Variants in COL9A3 observed in about 807,000 individuals in gnomAD.
COL9A3 encodes the protein collagen alpha-3(IX) chain.
Under a neutral mutation model 110.2 loss-of-function variants are expected in COL9A3, and 82 were observed. The ratio of observed to expected loss-of-function variants is 0.74; its 90% CI spans 0.62 to 0.89. COL9A3 has a LOEUF of 0.89. Ranked by LOEUF, COL9A3 falls within the 40% of genes least tolerant of loss-of-function variation. The pLI is 0.00. For missense variants in COL9A3, 1,066 were observed against 981.3 expected (o/e 1.09, Z -1.15); for synonymous variants, 494 against 403.8 (o/e 1.22, Z -2.68).
chr20:62,816,811 C>A (rs1434482490), upstream of COL9A3, among the ~76,000 whole-genome samples: 1 of 152,162 alleles, frequency 6.6e-6, no homozygotes, highest in Non-Finnish European at 1.5e-5. Context: ...GTGTGCAACG[C>A]GCCAGTCCCA....
At chr20:62,836,594 G>A in intron 29 of COL9A3, 62 bp downstream of exon 29, 1 of 1,514,634 alleles carries the variant, frequency 6.6e-7, no homozygotes, top group Non-Finnish European at 9.0e-7. Context: ...TCCCGTGCCT[G>A]GGGCTACACA....
intron 10 of COL9A3, 109 bp from the exon 11 acceptor site, chr20:62,824,336 C>T: frequency 8.5e-7 from 1 of 1,179,462 alleles, no homozygotes; most frequent in Non-Finnish European, 1.2e-6. Context: ...CTCCCGGGGT[C>T]CCGTCACCGT....
chr20:62,821,554 C>T, intron 7 of COL9A3, 24 bp downstream of exon 7: 1 of 1,612,708 alleles, frequency 6.2e-7, no homozygotes, highest in Non-Finnish European at 8.5e-7. Flanking sequence ...ACCCTTGGGG[C>T]CCTGAGCAAG....
intron 10 of COL9A3, among the ~76,000 whole-genome samples, chr20:62,822,862 C>A (rs934678204): frequency 6.6e-6 from 1 of 152,186 alleles, no homozygotes; most frequent in African/African-American, 2.4e-5. Flanking sequence ...CTGCACTGTC[C>A]CTCATGAAGC....
intron 19 of COL9A3, 21 bp from the exon 20 acceptor site, chr20:62,829,434 C>T (rs1319211311): frequency 2.0e-5 from 33 of 1,612,556 alleles, no homozygotes; most frequent in South Asian, 3.3e-5. Flanking sequence ...GCAGCCCTGA[C>T]CGCAAGCTCT....
intron 12 of COL9A3, chr20:62,825,314 C>G: frequency 3.0e-6 from 1 of 335,742 alleles, no homozygotes; most frequent in Non-Finnish European, 5.4e-6. Flanking sequence ...TGGACAGACC[C>G]CGTCCTGCCT....
At chr20:62,828,723 G>A (rs2063572686) in intron 17 of COL9A3, 41 bp from the exon 18 acceptor site, 1 of 1,609,422 alleles carries the variant, frequency 6.2e-7, no homozygotes, top group Non-Finnish European at 8.5e-7. Flanking sequence ...GGAGGGAGGG[G>A]GGCCACTGCC....
chr20:62,827,963 C>T lies in COL9A3; in HGVS notation c.887C>T (p.Pro296Leu), dbSNP rs45628843. The T allele has an allele frequency of 0.051, 81,618 of 1,612,860 alleles. 2,435 individuals are homozygous for T. Among genetic ancestry groups the T allele is most frequent in the Non-Finnish European group, 0.06 (71,235 of 1,179,900 alleles). Residue 296 changes from proline (P) to leucine (L), a missense_variant, in exon 17 of 32, where the codon CCA (proline) becomes CTA (leucine). Transcript: ENST00000649368. ...GPKGTPGVAG[P>L]SGEPGMPGKD... ...AAGGGAACCCCCGGAGTGGCCGGGC[C>T]AAGCGGAGAGCCGGTGAGTGCACGT...
chr20:62,827,196 C>T (rs1229632183), intron 15 of COL9A3, 45 bp from the exon 16 acceptor site: 8 of 1,607,470 alleles, frequency 5.0e-6, no homozygotes, highest in South Asian at 2.2e-5. Context: ...CTCCGACCAA[C>T]TCCATGGTGT....
chr20:62,825,960 G>T, intron 13 of COL9A3, 90 bp downstream of exon 13: 1 of 1,409,564 alleles, frequency 7.1e-7, no homozygotes, highest in East Asian at 2.5e-5. Context: ...GAGGGGGCCA[G>T]CTCCGGCTGG....
In COL9A3 at chr20:62,840,553, GT is replaced by G. The variant is rs1568768774; in HGVS notation, c.1877del (p.Val626GlyfsTer47). On this transcript the variant is annotated frameshift_variant, in exon 32 of 32. Transcript: ENST00000649368. LOFTEE classifies it low-confidence loss of function (END_TRUNC). Reference protein sequence around the residue: ...GDQGPQGPQGVPGTSKDGQDG... With the variant: ...GDQGPQGPQGXPGTSKDGQDG... ...TGCTCTGTCCCAAGGACCCCAAGGC[GT>G]GCCCGGCACCAGCAAGGACGGCCAG... 6.2e-7 allele frequency: 1 copy of G among 1,611,928 alleles called. No individual in the cohort carries two copies.
intron 30 of COL9A3, 60 bp downstream of exon 30, chr20:62,837,325 T>G: frequency 6.4e-7 from 1 of 1,551,204 alleles, no homozygotes; most frequent in South Asian, 1.1e-5. Context: ...GACTGACTTG[T>G]TAGTAGGCGC....
chr20:62,816,517 C>A (rs1990915106), upstream of COL9A3, among the ~76,000 whole-genome samples: 1 of 152,228 alleles, frequency 6.6e-6, no homozygotes, highest in Non-Finnish European at 1.5e-5. Context: ...GCTCCCAGCC[C>A]AGCAGGCAGC....
chr20:62,829,633 A>G lies in COL9A3; in HGVS notation c.1059A>G (p.Arg353=). 4 of 1,609,686 alleles carry G rather than the reference A, an allele frequency of 2.5e-6. No individual in the cohort carries two copies. Among genetic ancestry groups the G allele is most frequent in the Non-Finnish European group, 3.4e-6 (4 of 1,178,820 alleles). Reference sequence around the variant, plus strand: ...CAGCTCTCCTTCCTCTACAGGGCAGAGCTGGGGAGCTGGGTGAGGCCGGCC... The same window carrying G: ...CAGCTCTCCTTCCTCTACAGGGCAGGGCTGGGGAGCTGGGTGAGGCCGGCC... The part of the protein sequence containing the change: ...GSKGEKGERG[R]AGELGEAGPS... Residue 353 remains arginine, a synonymous_variant, in exon 21 of 32, where the codon AGA becomes AGG. Coordinates refer to ENST00000649368, the MANE Select transcript of COL9A3 (RefSeq NM_001853.4).
intron 19 of COL9A3, 47 bp downstream of exon 19, chr20:62,829,023 C>A: frequency 6.4e-7 from 1 of 1,553,016 alleles, no homozygotes; most frequent in South Asian, 1.2e-5. Flanking sequence ...ACAGCTTCTG[C>A]CTGCTCAGTG....
chr20:62,837,798 C>T (rs912186472), intron 30 of COL9A3, among the ~76,000 whole-genome samples: 1 of 149,238 alleles, frequency 6.7e-6, no homozygotes, highest in East Asian at 2.0e-4. Context: ...CAGAGCGAGA[C>T]TCCGTCTCCA....
intron 23 of COL9A3, 23 bp from the exon 24 acceptor site, chr20:62,830,494 C>T (rs555392319): frequency 1.6e-5 from 25 of 1,604,700 alleles, no homozygotes; most frequent in Middle Eastern, 1.7e-4. Flanking sequence ...TGGGCACTGA[C>T]GAGCCAGGAC....
Position 62,819,269 on chromosome 20 carries a change from GCTGCCGGGA to G in COL9A3, c.240_248del (p.Leu81_Gly83del), listed in dbSNP as rs758517077. 1.4e-5 allele frequency: 23 copies of G among 1,612,010 alleles called. No individual in the cohort carries two copies. The highest frequency in any genetic ancestry group is 8.3e-5 in the Admixed American group (5 of 59,984). On this transcript the variant is annotated inframe_deletion, in exon 4 of 32. Coordinates refer to ENST00000649368, the MANE Select transcript of COL9A3 (RefSeq NM_001853.4). Reference sequence around the variant, plus strand: ...AGCCGGGGAAACCAGGAGAGGCTGGGCTGCCGGGACTGCCGGGTGTGGATGTGAGTGCGC... The same window carrying G: ...AGCCGGGGAAACCAGGAGAGGCTGGGCTGCCGGGTGTGGATGTGAGTGCGC...
intron 3 of COL9A3, among the ~76,000 whole-genome samples, chr20:62,819,009 C>T (rs1487476476): frequency 6.6e-6 from 1 of 152,152 alleles, no homozygotes; most frequent in Non-Finnish European, 1.5e-5. Flanking sequence ...AGGGATGGGG[C>T]GGGCAGCCTT....
Sources: allele counts gnomAD v4.1 joint callset (sites outside exome capture counted in the v4.1 genomes callset), GRCh38; gene constraint gnomAD v4.1.1; transcripts MANE v1.5; gene names NCBI Gene and HGNC (gene_info 2026-07-23, HGNC 2026-07-21).